The following DACH1 variants were observed in gnomAD, a reference collection of about 807,000 sequenced individuals.
The protein encoded by DACH1 is dachshund family transcription factor 1, also known as dachshund homolog 1.
In DACH1, 12 loss-of-function variants were observed where a neutral mutation model predicts 54.2. The observed-to-expected ratio is 0.22, with a 90% CI of 0.14 to 0.36. The LOEUF is 0.36. Ranked by LOEUF, DACH1 falls within the 10% of genes least tolerant of loss-of-function variation. The pLI is 1.00. For missense variants in DACH1, 805 were observed against 929.8 expected (o/e 0.87, Z 1.75); for synonymous variants, 386 against 366.2 (o/e 1.05, Z -0.62).
chr13:71,802,853 A>G (rs1384110695), intron 1 of DACH1, among the ~76,000 whole-genome samples: 1 of 152,140 alleles, frequency 6.6e-6, no homozygotes, highest in Non-Finnish European at 1.5e-5. Context: ...ACACATCTAC[A>G]AACCAAGGAA....
At chr13:71,827,296 C>G (rs1437086134) in intron 1 of DACH1, among the ~76,000 whole-genome samples, 1 of 152,024 alleles carries the variant, frequency 6.6e-6, no homozygotes, top group South Asian at 2.1e-4. Context: ...TACTGACTTA[C>G]AACTCCGTGA....
chr13:71,629,232 C>T (rs540653009), intron 3 of DACH1, among the ~76,000 whole-genome samples: 1 of 152,126 alleles, frequency 6.6e-6, no homozygotes, highest in South Asian at 2.1e-4. Flanking sequence ...CCCTGTCTTC[C>T]CTCCAGGAGC....
At chr13:71,784,615 T>A (rs945094546) in intron 1 of DACH1, among the ~76,000 whole-genome samples, 2 of 152,112 alleles carry the variant, frequency 1.3e-5, no homozygotes, top group Non-Finnish European at 2.9e-5. Context: ...ATCACTGCAA[T>A]TATACAAATT....
Position 71,752,488 on chromosome 13 carries a change from TTC to T in DACH1, c.849-70580_849-70579del, listed in dbSNP as rs112518177. Among the ~76,000 whole-genome samples, 575 of 147,652 alleles carry T rather than the reference TTC, an allele frequency of 3.9e-3. 1 individual carries two copies. Among genetic ancestry groups the T allele is most frequent in the Non-Finnish European group, 5.4e-3 (358 of 66,614 alleles). ...TCTCTCTCTGTCTGTCTCTCTTCCT[TTC>T]TCTCTCTCTCTCTCTCTCTCTCTGT... On this transcript the variant is annotated intron_variant, in intron 1 of 10. Coordinates refer to ENST00000613252, the MANE Select transcript of DACH1 (RefSeq NM_080759.6).
chr13:71,729,981 A>G, intron 1 of DACH1, among the ~76,000 whole-genome samples: 1 of 152,094 alleles, frequency 6.6e-6, no homozygotes, highest in East Asian at 1.9e-4. Flanking sequence ...TTAACAAGTT[A>G]TTCTGTATAT....
At chr13:71,827,042 T>A (rs1306245917) in intron 1 of DACH1, among the ~76,000 whole-genome samples, 13 of 152,094 alleles carry the variant, frequency 8.5e-5, no homozygotes. Flanking sequence ...ATTATCTTGA[T>A]AGTGGATTCT....
At chr13:71,618,381 T>C (rs1875943039) in intron 3 of DACH1, among the ~76,000 whole-genome samples, 1 of 152,098 alleles carries the variant, frequency 6.6e-6, no homozygotes, top group Non-Finnish European at 1.5e-5. Flanking sequence ...TTTTGGAATG[T>C]TGCCAAAGCT....
At chr13:71,544,037 T>G (rs1883307917) in intron 6 of DACH1, among the ~76,000 whole-genome samples, 1 of 152,064 alleles carries the variant, frequency 6.6e-6, no homozygotes, top group Non-Finnish European at 1.5e-5. Context: ...TCCACTAAGA[T>G]TTCCCAAGAA....
intron 1 of DACH1, among the ~76,000 whole-genome samples, chr13:71,718,944 T>C (rs1339622712): frequency 2.0e-5 from 3 of 152,188 alleles, no homozygotes; most frequent in African/African-American, 7.2e-5. Context: ...TAAAAATTAT[T>C]AGGTAAGAAG....
chr13:71,603,717 T>C, intron 3 of DACH1, among the ~76,000 whole-genome samples: 1 of 152,066 alleles, frequency 6.6e-6, no homozygotes, highest in East Asian at 1.9e-4. Flanking sequence ...CTCCAACAAA[T>C]AATATTTTAT....
At chr13:71,515,191 T>C (rs9599852) in intron 6 of DACH1, among the ~76,000 whole-genome samples, 2,322 of 151,984 alleles carry the variant, frequency 0.015, 21 homozygotes, top group Middle Eastern at 0.037. Context: ...CTGAAGTCAA[T>C]TGAAATTTTT....
chr13:71,719,516 C>T (rs569867282), intron 1 of DACH1, among the ~76,000 whole-genome samples: 2 of 152,226 alleles, frequency 1.3e-5, no homozygotes, highest in South Asian at 2.1e-4. Context: ...AGTCACAGTA[C>T]ACTTTCTATA....
At chr13:71,715,626 A>G (rs574158580) in intron 1 of DACH1, among the ~76,000 whole-genome samples, 2 of 152,170 alleles carry the variant, frequency 1.3e-5, no homozygotes, top group South Asian at 4.1e-4. Flanking sequence ...GAAATAGCTA[A>G]TTTCAATAGC....
chr13:71,629,592 T>C (rs1876929535), intron 3 of DACH1, among the ~76,000 whole-genome samples: 1 of 152,138 alleles, frequency 6.6e-6, no homozygotes, highest in South Asian at 2.1e-4. Context: ...TACCCTTAAC[T>C]ATGTCTTAAT....
rs748134542 is a variant in DACH1 at position 71,630,723 on chromosome 13, A to C, written c.965-6T>G. On this transcript the variant is annotated splice_region_variant and splice_polypyrimidine_tract_variant and intron_variant, in intron 2 of 10. Coordinates refer to ENST00000613252, the MANE Select transcript of DACH1 (RefSeq NM_080759.6). ...TGCAGCGGCTGCTGTCAGACCTTAA[A>C]AGAATAAATTAAAAATGAGGTAATT... 1 of 1,558,372 alleles carries C rather than the reference A, an allele frequency of 6.4e-7. No individual in the cohort carries two copies. Among genetic ancestry groups the C allele is most frequent in the Non-Finnish European group, 8.6e-7 (1 of 1,161,494 alleles).
intron 1 of DACH1, among the ~76,000 whole-genome samples, chr13:71,817,985 T>C (rs1045204963): frequency 4.0e-5 from 6 of 151,898 alleles, no homozygotes; most frequent in African/African-American, 1.2e-4. Context: ...CCACTAATTT[T>C]GTATTTTTGT....
At chr13:71,601,830 G>C (rs757296498) in intron 3 of DACH1, among the ~76,000 whole-genome samples, 1 of 151,872 alleles carries the variant, frequency 6.6e-6, no homozygotes, top group East Asian at 1.9e-4. Flanking sequence ...AATAACCCAT[G>C]TTATGGGTTG....
intron 1 of DACH1, among the ~76,000 whole-genome samples, chr13:71,859,626 A>G (rs1874225855): frequency 6.6e-6 from 1 of 151,920 alleles, no homozygotes; most frequent in African/African-American, 2.4e-5. Context: ...CTCTTAACAG[A>G]TTCTCAGAAA....
At chr13:71,786,161 C>T (rs1187040536) in intron 1 of DACH1, among the ~76,000 whole-genome samples, 1 of 152,132 alleles carries the variant, frequency 6.6e-6, no homozygotes. Flanking sequence ...AAATAAAATA[C>T]GTACTTGAAT....
Sources: gnomAD v4.1 joint callset for allele counts (sites outside exome capture counted in the v4.1 genomes callset) on GRCh38, gnomAD v4.1.1 for gene constraint, MANE v1.5 for transcripts, NCBI Gene and HGNC (gene_info 2026-07-23, HGNC 2026-07-21) for gene names.